DIP2A: variants seen among roughly 807,000 people sequenced by gnomAD.
DIP2A encodes the protein DIP2 acetate--CoA ligase A.
In DIP2A, 85 loss-of-function variants were observed where a neutral mutation model predicts 177.4. The ratio of observed to expected loss-of-function variants is 0.48; its 90% CI spans 0.40 to 0.57. The LOEUF (loss-of-function observed/expected upper bound fraction) is 0.57. Among genes scored for constraint, DIP2A ranks in the 20% least tolerant of loss-of-function variants. The probability of loss-of-function intolerance (pLI) is 0.00; values close to 1 mark genes in which losing one functional copy is unlikely to be tolerated. For synonymous variants in DIP2A, 886 were observed against 881.8 expected (o/e 1.00, Z -0.08); for missense variants, 1,791 against 2,100.2 (o/e 0.85, Z 2.88).
chr21:46,554,722 G>C lies in DIP2A; in HGVS notation c.3276+26G>C, dbSNP rs570391990. 4 of 1,553,884 alleles carry C rather than the reference G, an allele frequency of 2.6e-6. No homozygotes were observed. The African/African-American group carries it at 5.5e-5, about 21-fold the overall frequency. On this transcript the variant is annotated intron_variant, in intron 27 of 37. Transcript: ENST00000417564. ...GTGCGCCTACCTGGCCCGCGGGTCA[G>C]AGTCTGTGAGTGGGAGGCTGCAAGG...
chr21:46,486,039 C>A (rs1274890115), intron 2 of DIP2A, among the ~76,000 whole-genome samples: 2 of 144,796 alleles, frequency 1.4e-5, no homozygotes, highest in African/African-American at 2.6e-5. Flanking sequence ...CCACTGCACT[C>A]CAGCCTGGGC....
At chr21:46,517,578 T>C (rs2058644005) in intron 8 of DIP2A, among the ~76,000 whole-genome samples, 1 of 152,224 alleles carries the variant, frequency 6.6e-6, no homozygotes, top group Non-Finnish European at 1.5e-5. Context: ...TGTGTCCATG[T>C]GTCTCTTTCC....
intron 1 of DIP2A, among the ~76,000 whole-genome samples, chr21:46,464,130 A>C (rs1321678310): frequency 6.6e-6 from 1 of 151,894 alleles, no homozygotes; most frequent in Non-Finnish European, 1.5e-5. Flanking sequence ...GCAGTGGCTC[A>C]CACCTGTAAT....
At position 46,556,404 on chromosome 21, in the gene DIP2A, C is replaced by T. The variant is rs928551840; in HGVS notation, c.3498+313C>T. The stretch of plus-strand genomic sequence containing the variant: ...AATAGCTCAATTAAAATTTTTCAGG[C>T]GGGGCGTGGTGGCTCACGCCTGTAA... On this transcript the variant is annotated intron_variant, in intron 29 of 37. Transcript: ENST00000417564. The surrounding 1 kb of genome is among the most constrained non-coding windows in gnomAD (Gnocchi z 4.5). 6 of 1,345,674 alleles carry T rather than the reference C, an allele frequency of 4.5e-6. No homozygotes were observed. The highest frequency in any genetic ancestry group is 4.9e-6 in the Non-Finnish European group (5 of 1,016,140). The allele number at this position is 1,345,674 out of a possible 1,614,324, so 83.4% of individuals were successfully genotyped here.
intron 16 of DIP2A, 28 bp from the exon 17 acceptor site, chr21:46,539,849 G>A (rs377314850): frequency 5.7e-6 from 9 of 1,578,450 alleles, no homozygotes; most frequent in East Asian, 4.5e-5. Flanking sequence ...AGTTAGTGCT[G>A]GCGTTCCACT....
chr21:46,477,319 C>G (rs2055937145), intron 1 of DIP2A, among the ~76,000 whole-genome samples: 1 of 151,586 alleles, frequency 6.6e-6, no homozygotes. Flanking sequence ...CTGAGGCAGG[C>G]AGATCAAGAC....
intron 35 of DIP2A, among the ~76,000 whole-genome samples, chr21:46,565,460 C>T (rs1250229322): frequency 6.6e-6 from 1 of 152,178 alleles, no homozygotes; most frequent in East Asian, 1.9e-4. Flanking sequence ...GACTTACCCA[C>T]GTAGGATAGA....
At chr21:46,503,462 T>G (rs925276437) in intron 5 of DIP2A, among the ~76,000 whole-genome samples, 1 of 152,180 alleles carries the variant, frequency 6.6e-6, no homozygotes, top group Non-Finnish European at 1.5e-5. Context: ...CATACTTTTT[T>G]GGGGGTTGTA....
In DIP2A at chr21:46,557,795, C is replaced by T. The variant is rs2060519415; in HGVS notation, c.3798+42C>T. Reference sequence around the variant, plus strand: ...GGGCTTCTGAGTGTGCTGCAGACCACAGCCCTGGGAAGTTTAAAAACAACA... The same window carrying T: ...GGGCTTCTGAGTGTGCTGCAGACCATAGCCCTGGGAAGTTTAAAAACAACA... On this transcript the variant is annotated intron_variant, in intron 31 of 37. Coordinates refer to ENST00000417564, the MANE Select transcript of DIP2A (RefSeq NM_015151.4). The surrounding 1 kb of genome is among the most constrained non-coding windows in gnomAD (Gnocchi z 6.0). 1 of 1,585,406 alleles carries T rather than the reference C, an allele frequency of 6.3e-7. No individual in the cohort carries two copies. Among genetic ancestry groups the T allele is most frequent in the African/African-American group, 1.3e-5 (1 of 74,362 alleles).
chr21:46,571,968 G>A (rs530009332), downstream of DIP2A, among the ~76,000 whole-genome samples: 1 of 152,104 alleles, frequency 6.6e-6, no homozygotes, highest in African/African-American at 2.4e-5. Flanking sequence ...GAGCATCCTT[G>A]TCTTGTGCCG....
intron 21 of DIP2A, among the ~76,000 whole-genome samples, chr21:46,548,187 T>C (rs2060134488): frequency 6.7e-6 from 1 of 149,838 alleles, no homozygotes; most frequent in South Asian, 2.1e-4. Context: ...TGTGCGTGTG[T>C]GTGTGTGTGT....
At position 46,566,784 on chromosome 21, in the gene DIP2A, C is replaced by A. The variant is rs9976401; in HGVS notation, c.4463+101C>A. 29,782 of 1,489,458 alleles carry A rather than the reference C, an allele frequency of 0.02. 2,357 individuals carry two copies. The African/African-American group carries it at 0.23, about 12-fold the overall frequency. The allele number at this position is 1,489,458 out of a possible 1,614,324, so 92.3% of individuals were successfully genotyped here. A position where few individuals can be genotyped will look rare whatever the true frequency, so the allele number is the denominator to read the frequency against. ...TGGAGCAGAGCAAGGACTGCTGGGC[C>A]CTGGGCACAGGCCTCCTGCATTGTC... On this transcript the variant is annotated intron_variant, in intron 37 of 37. Transcript: ENST00000417564.
Position 46,556,741 on chromosome 21 carries a change from G to T in DIP2A, c.3499-198G>T, listed in dbSNP as rs1280262912. On this transcript the variant is annotated intron_variant, in intron 29 of 37. Coordinates refer to ENST00000417564, the MANE Select transcript of DIP2A (RefSeq NM_015151.4). This position sits in a 1 kb window ranked among gnomAD's most constrained non-coding sequence, Gnocchi z 4.5. ...CATTACCCTGAAATTTTGTTTCAAA[G>T]ATTTTTAGTGTACCATTTCTTGGGT... The T allele has an allele frequency of 5.5e-6, 3 of 545,822 alleles. No homozygotes were observed. The highest frequency in any genetic ancestry group is 9.4e-6 in the Non-Finnish European group (3 of 320,646). The allele number at this position is 545,822 out of a possible 1,614,324, so 33.8% of individuals were successfully genotyped here. A position where few individuals can be genotyped will look rare whatever the true frequency, so the allele number is the denominator to read the frequency against.
chr21:46,517,039 CTG>C (rs2058613156), intron 8 of DIP2A, among the ~76,000 whole-genome samples: 1 of 132,676 alleles, frequency 7.5e-6, no homozygotes, highest in Admixed American at 7.7e-5. Context: ...TTGCTCTTGT[CTG>C]TGTTTTCTCT....
intron 1 of DIP2A, among the ~76,000 whole-genome samples, chr21:46,461,394 G>A (rs2054302064): frequency 6.6e-6 from 1 of 151,504 alleles, no homozygotes; most frequent in South Asian, 2.1e-4. Context: ...CTACTGTACT[G>A]CATTTGTTAA....
At position 46,490,826 on chromosome 21, in the gene DIP2A, G is replaced by T. The variant is rs2056972104; in HGVS notation, c.283+107G>T. 4.4e-6 allele frequency: 6 copies of T among 1,363,472 alleles called. No homozygotes were observed. In the Admixed American group the frequency reaches 8.9e-5, roughly 20 times the overall value. 84.5% of individuals were successfully genotyped at this position (1,363,472 alleles called of 1,614,324 possible). A position where few individuals can be genotyped will look rare whatever the true frequency, so the allele number is the denominator to read the frequency against. On this transcript the variant is annotated intron_variant, in intron 3 of 37. Transcript: ENST00000417564. ...TTCCTTTGCCACAATATCTGCCAAAGAAATTATTTTCACATAAGCAGTAAT... is the reference window on the plus strand; with the variant it reads ...TTCCTTTGCCACAATATCTGCCAAATAAATTATTTTCACATAAGCAGTAAT...
At chr21:46,479,388 A>G (rs2056170638) in intron 1 of DIP2A, among the ~76,000 whole-genome samples, 1 of 152,158 alleles carries the variant, frequency 6.6e-6, no homozygotes, top group Non-Finnish European at 1.5e-5. Flanking sequence ...TAATGAACAT[A>G]TTTTTCATAT....
At chr21:46,475,203 A>C (rs952058269) in intron 1 of DIP2A, among the ~76,000 whole-genome samples, 1 of 152,262 alleles carries the variant, frequency 6.6e-6, no homozygotes, top group African/African-American at 2.4e-5. Flanking sequence ...TAAGTTTTCT[A>C]ATCATGAATG....
intron 1 of DIP2A, among the ~76,000 whole-genome samples, chr21:46,467,732 T>G (rs1285633423): frequency 6.6e-6 from 1 of 152,068 alleles, no homozygotes; most frequent in Non-Finnish European, 1.5e-5. Context: ...AATACCCTCT[T>G]TAGGTTTTGT....
Sources: gnomAD v4.1 joint callset for allele counts (sites outside exome capture counted in the v4.1 genomes callset) on GRCh38, gnomAD v4.1.1 for gene constraint, Gnocchi (gnomAD v3.1) non-coding constraint, MANE v1.5 for transcripts, NCBI Gene and HGNC (gene_info 2026-07-23, HGNC 2026-07-21) for gene names.